Variants in OGT observed in about 807,000 individuals in gnomAD.
OGT encodes O-linked N-acetylglucosamine (GlcNAc) transferase.
In OGT, 3 loss-of-function variants were observed where a neutral mutation model predicts 75.8. The ratio of observed to expected loss-of-function variants is 0.04; its 90% CI spans 0.02 to 0.10. The LOEUF is 0.10. Among genes scored for constraint, OGT ranks in the 10% least tolerant of loss-of-function variants. OGT has a pLI of 1.00. For synonymous variants in OGT, 257 were observed against 289.7 expected (o/e 0.89, Z 1.15); for missense variants, 260 against 824.4 (o/e 0.32, Z 8.38).
intron 5 of OGT, among the ~76,000 whole-genome samples, chrX:71,551,877 CT>C (rs1471273153): frequency 2.4e-4 from 27 of 111,204 alleles, no homozygotes; most frequent in Non-Finnish European, 1.9e-5. Context: ...AGCTGACCTT[CT>C]TACTTCAACA....
intron 14 of OGT, among the ~76,000 whole-genome samples, chrX:71,559,989 A>C (rs2040370689): frequency 9.0e-6 from 1 of 111,227 alleles, no homozygotes; most frequent in African/African-American, 3.3e-5. Flanking sequence ...TAGGTCTTTT[A>C]AAGAAAATAG....
intron 3 of OGT, among the ~76,000 whole-genome samples, chrX:71,542,895 T>C: frequency 8.9e-6 from 1 of 112,270 alleles, no homozygotes; most frequent in South Asian, 3.7e-4. Flanking sequence ...AGAAGTCAAA[T>C]AAGATTAATG....
At position 71,574,844 on chromosome X, in the gene OGT, G is replaced by C. The variant is rs942474776; in HGVS notation, c.*1050G>C. The C allele has an allele frequency of 9.4e-6, 1 of 106,498 alleles. No homozygotes were observed. Among genetic ancestry groups the C allele is most frequent in the Non-Finnish European group, 1.9e-5 (1 of 51,815 alleles). 8.8% of individuals were successfully genotyped at this position (106,498 alleles called of 1,213,427 possible). On this transcript the variant is annotated 3_prime_UTR_variant, in exon 22 of 22. Transcript: ENST00000373719. The stretch of plus-strand genomic sequence containing the variant: ...GGTAAGTATAAGTATTCAAGTATTT[G>C]ATCAGTAAGTCACAGTTATCTCCAG...
chrX:71,561,463 CA>C (rs111787118), intron 14 of OGT, among the ~76,000 whole-genome samples: 23,802 of 89,025 alleles, frequency 0.27, 3,309 homozygotes, highest in East Asian at 0.49. Flanking sequence ...CCATCCCTAC[CA>C]AAAAAAAAAA....
chrX:71,539,576 A>G (rs931997242), intron 3 of OGT, among the ~76,000 whole-genome samples: 4 of 111,729 alleles, frequency 3.6e-5, no homozygotes, highest in Non-Finnish European at 5.6e-5. Flanking sequence ...TTTCTTGTCT[A>G]TCTTTTCTGA....
chrX:71,548,621 T>C (rs766877359), intron 5 of OGT, among the ~76,000 whole-genome samples: 20 of 111,775 alleles, frequency 1.8e-4, no homozygotes, highest in Non-Finnish European at 3.4e-4. Flanking sequence ...GCAACATGGA[T>C]GCAGCTGGAG....
In OGT at chrX:71,557,458, CT is replaced by C. The variant is rs758676191; in HGVS notation, c.1423-32del. ...TCAAATATTAAATCCTGGGATAGGACTTTCTGGATAATAACTTGTTTTTGCT... is the reference window on the plus strand; with the variant it reads ...TCAAATATTAAATCCTGGGATAGGACTTCTGGATAATAACTTGTTTTTGCT... On this transcript the variant is annotated intron_variant, in intron 11 of 21. Transcript: ENST00000373719. 5.7e-5 allele frequency: 67 copies of C among 1,178,665 alleles called. No homozygotes were observed. In the African/African-American group the frequency reaches 1.1e-3, roughly 19 times the overall value.
At chrX:71,564,480 ATCATGAATATTTTCTCATGGT>A (rs2040403706) in intron 18 of OGT, 100 bp from the exon 19 acceptor site, 1 of 564,809 alleles carries the variant, frequency 1.8e-6, no homozygotes, top group East Asian at 3.8e-5. Context: ...AACTTCATAT[ATCATGAATATTTTCTCATGGT>A]TCAGTGACTT....
chrX:71,544,548 A>G lies in OGT; in HGVS notation c.463-19A>G, dbSNP rs2040246391. The G allele has an allele frequency of 8.4e-7, 1 of 1,196,040 alleles. No homozygotes were observed. ...GACAAAGCAGAGTATAATTAATGAC[A>G]GCGTCTCTGGGTTTCTAGGATTTGT... On this transcript the variant is annotated intron_variant, in intron 3 of 21. Coordinates refer to ENST00000373719, the MANE Select transcript of OGT (RefSeq NM_181672.3).
chrX:71,533,757 C>T (rs2040152655), intron 1 of OGT, among the ~76,000 whole-genome samples: 1 of 109,551 alleles, frequency 9.1e-6, no homozygotes, highest in African/African-American at 3.3e-5. Context: ...CATCTCCCCC[C>T]CCAGTCTTTT....
intron 5 of OGT, among the ~76,000 whole-genome samples, chrX:71,551,533 G>A (rs753237585): frequency 8.9e-6 from 1 of 112,257 alleles, no homozygotes; most frequent in Non-Finnish European, 1.9e-5. Flanking sequence ...TCAGGAGGCG[G>A]AGGCAGGAGA....
chrX:71,559,726 TA>T, intron 14 of OGT, 49 bp downstream of exon 14: 1 of 967,667 alleles, frequency 1.0e-6, no homozygotes, highest in Non-Finnish European at 1.5e-6. Context: ...CAAGTTTAAA[TA>T]AAACTATTAG....
rs774111591 is a variant in OGT at position 71,573,707 on chromosome X, G to C, written c.3054G>C (p.Arg1018=). The C allele has an allele frequency of 8.3e-7, 1 of 1,209,209 alleles. No homozygotes were observed. The highest frequency in any genetic ancestry group is 1.7e-5 in the African/African-American group (1 of 57,699). The change falls in exon 22 of 22, where the codon CGG becomes CGC. Residue 1018 remains arginine (R), a synonymous_variant. Coordinates refer to ENST00000373719, the MANE Select transcript of OGT (RefSeq NM_181672.3). Reference sequence around the variant, plus strand: ...AACAATACACAATGGAACTAGAGCGGCTCTATCTACAGATGTGGGAGCATT... The same window carrying C: ...AACAATACACAATGGAACTAGAGCGCCTCTATCTACAGATGTGGGAGCATT... ...NTKQYTMELE[R]LYLQMWEHYA...
intron 5 of OGT, among the ~76,000 whole-genome samples, chrX:71,552,166 G>A (rs760124383): frequency 6.4e-5 from 7 of 108,877 alleles, no homozygotes; most frequent in East Asian, 5.9e-4. Context: ...AGGAGGTTGC[G>A]GTGAGCCAAG....
intron 19 of OGT, 65 bp from the exon 20 acceptor site, chrX:71,567,435 C>CT: frequency 1.0e-6 from 1 of 970,822 alleles, no homozygotes; most frequent in South Asian, 2.8e-5. Flanking sequence ...TTAGAGACCT[C>CT]TGGGAGTCTT....
Position 71,562,077 on chromosome X carries a change from G to T in OGT, c.1977+177G>T, listed in dbSNP as rs145612609. On this transcript the variant is annotated intron_variant, in intron 15 of 21. Coordinates refer to ENST00000373719, the MANE Select transcript of OGT (RefSeq NM_181672.3). ...AGAGTGTAGAGCACAGTGCTTATAG[G>T]TACATGTATATAGAGACATGCAATT... Among the ~76,000 whole-genome samples the T allele has an allele frequency of 6.9e-3, 774 of 111,462 alleles. 12 individuals carry two copies. Among genetic ancestry groups the T allele is most frequent in the African/African-American group, 0.024 (731 of 30,657 alleles).
chrX:71,567,893 A>G (rs1602156032), intron 20 of OGT, 100 bp from the exon 21 acceptor site: 2 of 1,082,362 alleles, frequency 1.8e-6, no homozygotes, highest in Admixed American at 5.4e-5. Context: ...TTCTCACTTC[A>G]TTCTCTTCAT....
At chrX:71,553,173 C>G (rs1307236112) in intron 5 of OGT, among the ~76,000 whole-genome samples, 2 of 111,372 alleles carry the variant, frequency 1.8e-5, no homozygotes, top group Non-Finnish European at 3.8e-5. Flanking sequence ...CTCACTGCAG[C>G]TTCCGCCTCC....
chrX:71,539,130 G>C (rs1301869466), intron 3 of OGT, among the ~76,000 whole-genome samples: 2 of 112,371 alleles, frequency 1.8e-5, no homozygotes, highest in East Asian at 5.5e-4. Context: ...ATAAAAGTGG[G>C]ATGATGTGCC....
Sources: gnomAD v4.1 joint callset for allele counts (sites outside exome capture counted in the v4.1 genomes callset) on GRCh38, gnomAD v4.1.1 for gene constraint, MANE v1.5 for transcripts, NCBI Gene and HGNC (gene_info 2026-07-23, HGNC 2026-07-21) for gene names.